The following BRD4 variants were observed in gnomAD, a reference collection of about 807,000 sequenced individuals.
BRD4 encodes bromodomain-containing protein 4.
Under a neutral mutation model 142.1 loss-of-function variants are expected in BRD4, and 16 were observed. The observed-to-expected ratio is 0.11, with a 90% CI of 0.08 to 0.17. BRD4 has a LOEUF of 0.17. Ranked by LOEUF, BRD4 falls within the 10% of genes least tolerant of loss-of-function variation. BRD4 has a pLI of 1.00. For missense variants in BRD4, 1,424 were observed against 1,810.9 expected, an observed-to-expected ratio of 0.79 and a Z score of 3.88; for synonymous variants, 833 against 707.5, an observed-to-expected ratio of 1.18 and a Z score of -2.82.
chr19:15,307,543 A>G (rs1195309463), intron 1 of BRD4, among the ~76,000 whole-genome samples: 1 of 152,174 alleles, frequency 6.6e-6, no homozygotes, highest in Non-Finnish European at 1.5e-5. Context: ...TATAAAACAC[A>G]TCAGAGGTAC....
chr19:15,254,323 C>T (rs2145566509), intron 10 of BRD4, 61 bp from the exon 11 acceptor site: 1 of 1,368,148 alleles, frequency 7.3e-7, no homozygotes, highest in South Asian at 1.2e-5. Context: ...CCGCTCTAAG[C>T]CATGGGCACA....
Position 15,236,850 on chromosome 19 carries a change from A to G in BRD4, c.*1527T>C, listed in dbSNP as rs866431422. 5.3e-6 allele frequency: 1 copy of G among 187,344 alleles called. No individual in the cohort carries two copies. Among genetic ancestry groups the G allele is most frequent in the South Asian group, 2.0e-4 (1 of 5,112 alleles). The allele number at this position is 187,344 out of a possible 1,614,324, so 11.6% of individuals were successfully genotyped here. A position where few individuals can be genotyped will look rare whatever the true frequency, so the allele number is the denominator to read the frequency against. ...GGAGACGCCAGCATTAAAAAAAGAGAGATGTGTTTATTCCATGATCAGTAC... is the reference window on the plus strand; with the variant it reads ...GGAGACGCCAGCATTAAAAAAAGAGGGATGTGTTTATTCCATGATCAGTAC... On this transcript the variant is annotated 3_prime_UTR_variant, in exon 20 of 20. Transcript: ENST00000679869.
chr19:15,274,053 TA>T (rs1170629904), intron 1 of BRD4, among the ~76,000 whole-genome samples: 1 of 152,212 alleles, frequency 6.6e-6, no homozygotes, highest in Non-Finnish European at 1.5e-5. Flanking sequence ...GAGAATTTGC[TA>T]CATAAAGCAA....
intron 1 of BRD4, among the ~76,000 whole-genome samples, chr19:15,329,132 T>C (rs1325588912): frequency 6.6e-6 from 1 of 152,040 alleles, no homozygotes; most frequent in Non-Finnish European, 1.5e-5. Context: ...AACTCATCTC[T>C]TATGTATTAA....
At chr19:15,328,026 C>CA (rs2048124879) in intron 1 of BRD4, among the ~76,000 whole-genome samples, 1 of 150,574 alleles carries the variant, frequency 6.6e-6, no homozygotes, top group Non-Finnish European at 1.5e-5. Context: ...ACGTTTATCT[C>CA]AAAGCTATTA....
chr19:15,298,615 C>A (rs2047842573), intron 1 of BRD4, among the ~76,000 whole-genome samples: 3 of 82,188 alleles, frequency 3.7e-5, no homozygotes, highest in African/African-American at 5.1e-5. Flanking sequence ...GGCGAGACTC[C>A]AACTCAAAAA....
At chr19:15,278,621 C>A (rs1253790839) in intron 1 of BRD4, among the ~76,000 whole-genome samples, 1 of 141,892 alleles carries the variant, frequency 7.0e-6, no homozygotes, top group Non-Finnish European at 1.5e-5. Context: ...TTTTTTCAGA[C>A]AGCTACACAG....
intron 1 of BRD4, among the ~76,000 whole-genome samples, chr19:15,314,699 G>T (rs1311280784): frequency 1.3e-5 from 2 of 152,146 alleles, no homozygotes; most frequent in Non-Finnish European, 2.9e-5. Context: ...TCAAAACAGG[G>T]TGACAACAGC....
rs533279708 is a variant in BRD4, at chr19:15,280,314, G to T, written c.-34-7181C>A. 5.9e-6 allele frequency: 6 copies of T among 1,011,954 alleles called. No homozygotes were observed. In the East Asian group the frequency reaches 4.2e-4, roughly 70 times the overall value. The allele number at this position is 1,011,954 out of a possible 1,614,324, so 62.7% of individuals were successfully genotyped here. A position where few individuals can be genotyped will look rare whatever the true frequency, so the allele number is the denominator to read the frequency against. ...GGGCAGAGGCCCAGTCATCCTACAC[G>T]GGTCTTTGGCTTGGCCAGCAGCACC... is the stretch of plus-strand genomic sequence containing the variant. On this transcript the variant is annotated intron_variant, in intron 1 of 19. Transcript: ENST00000679869.
At chr19:15,251,376 A>G (rs542997711) in intron 11 of BRD4, among the ~76,000 whole-genome samples, 4 of 141,862 alleles carry the variant, frequency 2.8e-5, no homozygotes, top group African/African-American at 5.3e-5. Context: ...ACCCCGTAGT[A>G]TAAGTGACAA....
At chr19:15,278,668 T>G (rs1232527523) in intron 1 of BRD4, among the ~76,000 whole-genome samples, 1 of 151,900 alleles carries the variant, frequency 6.6e-6, no homozygotes, top group Non-Finnish European at 1.5e-5. Flanking sequence ...CTGCTTGTGC[T>G]TAACCACCTA....
chr19:15,244,799 G>A (rs202244714), intron 11 of BRD4, 37 bp from the exon 12 acceptor site: 10 of 1,613,782 alleles, frequency 6.2e-6, no homozygotes, highest in Non-Finnish European at 6.8e-6. Context: ...GGCTCTGGGG[G>A]AGAAGGTGAG....
Position 15,244,618 on chromosome 19 carries a change from G to A in BRD4, c.2212-18C>T. 2 of 1,613,548 alleles carry A rather than the reference G, an allele frequency of 1.2e-6. No homozygotes were observed. Among genetic ancestry groups the A allele is most frequent in the African/African-American group, 1.3e-5 (1 of 75,032 alleles). On this transcript the variant is annotated intron_variant, in intron 12 of 19. Coordinates refer to ENST00000679869, the MANE Select transcript of BRD4 (RefSeq NM_001379291.1). ...TGATGGTGCTGCAGACAGAGAGACAGACAGACAGACAGGCTGATGTCAGGC... is the reference window on the plus strand; with the variant it reads ...TGATGGTGCTGCAGACAGAGAGACAAACAGACAGACAGGCTGATGTCAGGC...
intron 1 of BRD4, among the ~76,000 whole-genome samples, chr19:15,282,880 T>C (rs181035668): frequency 1.2e-3 from 184 of 152,304 alleles, no homozygotes; most frequent in African/African-American, 3.9e-3. Flanking sequence ...GGTGGGAGCA[T>C]TGCTTGAGCT....
chr19:15,283,893 C>G (rs945113268), intron 1 of BRD4, among the ~76,000 whole-genome samples: 1 of 152,172 alleles, frequency 6.6e-6, no homozygotes, highest in African/African-American at 2.4e-5. Context: ...TGACCCAACA[C>G]CCCCACCAGC....
intron 1 of BRD4, among the ~76,000 whole-genome samples, chr19:15,317,005 T>C (rs959455817): frequency 6.6e-6 from 1 of 152,210 alleles, no homozygotes. Context: ...AGCTCTACCC[T>C]GTGCTCACTA....
In BRD4 at chr19:15,237,387, G is replaced by T. The variant is rs988586510; in HGVS notation, c.*990C>A. 4.6e-6 allele frequency: 1 copy of T among 219,686 alleles called. No individual in the cohort carries two copies. Among genetic ancestry groups the T allele is most frequent in the Admixed American group, 5.8e-5 (1 of 17,194 alleles). 13.6% of individuals were successfully genotyped at this position (219,686 alleles called of 1,614,324 possible). The stretch of plus-strand genomic sequence containing the variant: ...GTTTTGTCTTTTTGTGGATTTTTTT[G>T]AGCTTTTTTCTTTTTTCACACCAGT... On this transcript the variant is annotated 3_prime_UTR_variant, in exon 20 of 20. Transcript: ENST00000679869.
At chr19:15,322,023 T>C (rs57941063) in intron 1 of BRD4, among the ~76,000 whole-genome samples, 7,161 of 151,786 alleles carry the variant, frequency 0.047, 482 homozygotes, top group African/African-American at 0.15. Context: ...GGCACATACA[T>C]ACACACACAC....
rs1324185656 is a variant in BRD4, at chr19:15,258,550, T to C, written c.1342-1377A>G. Among the ~76,000 whole-genome samples the C allele has an allele frequency of 2.6e-5, 4 of 151,758 alleles. No individual in the cohort carries two copies. The South Asian group carries it at 6.2e-4, about 24-fold the overall frequency. On this transcript the variant is annotated intron_variant, in intron 7 of 19. Coordinates refer to ENST00000679869, the MANE Select transcript of BRD4 (RefSeq NM_001379291.1). ...CCACTTGCCACAGCCTCCCAAAGGG[T>C]TGGGATGACCAGCGTGAGCCACTGC... is the stretch of plus-strand genomic sequence containing the variant.
Sources: gnomAD v4.1 joint callset for allele counts (sites outside exome capture counted in the v4.1 genomes callset) on GRCh38, gnomAD v4.1.1 for gene constraint, MANE v1.5 for transcripts, NCBI Gene and HGNC (gene_info 2026-07-23, HGNC 2026-07-21) for gene names.